PDE4B: variants seen among roughly 807,000 people sequenced by gnomAD.
PDE4B encodes phosphodiesterase 4B.
Under a neutral mutation model 82.2 loss-of-function variants are expected in PDE4B, and 20 were observed. The ratio of observed to expected loss-of-function variants is 0.24; its 90% confidence interval spans 0.17 to 0.35. PDE4B has a LOEUF of 0.35. PDE4B is among the 10% of genes least tolerant of loss of function. The pLI is 1.00. For missense variants in PDE4B, 655 were observed against 907.2 expected (o/e 0.72, Z 3.57); for synonymous variants, 320 against 318.9 (o/e 1.00, Z -0.04).
At chr1:66,189,554 A>G (rs1647546078) in intron 3 of PDE4B, among the ~76,000 whole-genome samples, 2 of 151,586 alleles carry the variant, frequency 1.3e-5, no homozygotes, top group Admixed American at 6.6e-5. Flanking sequence ...TTTTCTCTAT[A>G]CTTCTCTTCT....
chr1:66,170,256 T>C (rs1646813463), intron 3 of PDE4B, among the ~76,000 whole-genome samples: 1 of 152,224 alleles, frequency 6.6e-6, no homozygotes, highest in Non-Finnish European at 1.5e-5. Flanking sequence ...GATGGTGTTA[T>C]ATTTAAAAAC....
chr1:66,366,620 T>C (rs1402417870), intron 13 of PDE4B, among the ~76,000 whole-genome samples: 1 of 152,170 alleles, frequency 6.6e-6, no homozygotes, highest in East Asian at 1.9e-4. Flanking sequence ...AGGTTTGGAG[T>C]ACACTGGGTC....
intron 3 of PDE4B, among the ~76,000 whole-genome samples, chr1:66,037,219 A>G (rs1210055076): frequency 3.3e-5 from 5 of 152,064 alleles, no homozygotes; most frequent in African/African-American, 1.2e-4. Context: ...ACTGTAGGTC[A>G]CTTTGGGTAA....
chr1:66,197,713 A>T (rs1481472330), intron 3 of PDE4B, among the ~76,000 whole-genome samples: 1 of 152,140 alleles, frequency 6.6e-6, no homozygotes, highest in Non-Finnish European at 1.5e-5. Flanking sequence ...AAAGATGAAA[A>T]TAAATAAACT....
intron 3 of PDE4B, among the ~76,000 whole-genome samples, chr1:66,075,449 G>A (rs910551122): frequency 2.6e-5 from 4 of 152,026 alleles, no homozygotes; most frequent in African/African-American, 9.7e-5. Context: ...AGGTTTTATA[G>A]TTACTGGTTT....
chr1:66,258,256 A>G (rs1334801091), intron 6 of PDE4B, among the ~76,000 whole-genome samples: 3 of 152,228 alleles, frequency 2.0e-5, no homozygotes, highest in Non-Finnish European at 2.9e-5. Context: ...AATGTAGCAA[A>G]AAGTTCAAGT....
intron 1 of PDE4B, among the ~76,000 whole-genome samples, chr1:65,872,456 C>T (rs1211344091): frequency 1.3e-5 from 2 of 151,998 alleles, no homozygotes; most frequent in East Asian, 3.8e-4. Context: ...AGGAAGTAAT[C>T]AGATTACAGT....
chr1:65,993,258 T>G (rs1194475209), intron 3 of PDE4B: 9 of 730,254 alleles, frequency 1.2e-5, no homozygotes, highest in Non-Finnish European at 2.0e-5. Context: ...ATACTGCAAG[T>G]GTGAAATGAA....
chr1:66,223,975 G>T (rs1651218885), intron 3 of PDE4B, among the ~76,000 whole-genome samples: 1 of 151,980 alleles, frequency 6.6e-6, no homozygotes, highest in African/African-American at 2.4e-5. Flanking sequence ...CAATACCCTG[G>T]TCTTATAGTT....
At chr1:66,114,295 A>G (rs746437985) in intron 3 of PDE4B, among the ~76,000 whole-genome samples, 12 of 152,202 alleles carry the variant, frequency 7.9e-5, no homozygotes, top group South Asian at 2.1e-4. Context: ...AGATGATAGT[A>G]TTTTGTCATA....
chr1:66,122,537 G>C (rs1007507679), intron 3 of PDE4B, among the ~76,000 whole-genome samples: 8 of 151,942 alleles, frequency 5.3e-5, no homozygotes, highest in Admixed American at 5.3e-4. Flanking sequence ...TGATTAAGTG[G>C]GTTAATTTTA....
chr1:66,134,686 A>C (rs905142962), intron 3 of PDE4B, among the ~76,000 whole-genome samples: 1 of 152,226 alleles, frequency 6.6e-6, no homozygotes, highest in African/African-American at 2.4e-5. Context: ...TATCTAATGC[A>C]CGATTTTGTT....
At chr1:66,242,936 C>G (rs145900700) in intron 3 of PDE4B, among the ~76,000 whole-genome samples, 1 of 152,166 alleles carries the variant, frequency 6.6e-6, no homozygotes, top group Non-Finnish European at 1.5e-5. Context: ...ATAGAAACCA[C>G]CAGGAGAATA....
At chr1:66,340,418 C>G (rs1557711861) in intron 8 of PDE4B, among the ~76,000 whole-genome samples, 1 of 152,118 alleles carries the variant, frequency 6.6e-6, no homozygotes, top group Non-Finnish European at 1.5e-5. Context: ...AGCTATAAAT[C>G]TTGCCATTCT....
intron 3 of PDE4B, among the ~76,000 whole-genome samples, chr1:65,924,326 G>C (rs980458240): frequency 1.1e-4 from 17 of 150,494 alleles, no homozygotes; most frequent in African/African-American, 4.2e-4. Flanking sequence ...CGCCCGCCTC[G>C]GCCTCCCAAA....
At chr1:66,115,756 G>T (rs186898974) in intron 3 of PDE4B, among the ~76,000 whole-genome samples, 1 of 152,308 alleles carries the variant, frequency 6.6e-6, no homozygotes, top group Non-Finnish European at 1.5e-5. Context: ...GGTATATTTT[G>T]CTGAAGATGT....
intron 3 of PDE4B, among the ~76,000 whole-genome samples, chr1:66,047,609 G>C (rs1296371109): frequency 6.6e-6 from 1 of 151,400 alleles, no homozygotes; most frequent in Non-Finnish European, 1.5e-5. Context: ...AAATATTTTA[G>C]AGGTGGCAGA....
At chr1:66,140,738 G>C (rs773388264) in intron 3 of PDE4B, among the ~76,000 whole-genome samples, 2 of 152,206 alleles carry the variant, frequency 1.3e-5, no homozygotes, top group Non-Finnish European at 2.9e-5. Flanking sequence ...AATGTGATAT[G>C]TGTGCCTATT....
intron 3 of PDE4B, among the ~76,000 whole-genome samples, chr1:66,217,243 G>A (rs201758328): frequency 6.6e-6 from 1 of 151,844 alleles, no homozygotes; most frequent in Non-Finnish European, 1.5e-5. Flanking sequence ...TCATTGGCTA[G>A]GCAAGAAAAA....
Sources: allele counts gnomAD v4.1 joint callset (sites outside exome capture counted in the v4.1 genomes callset), GRCh38; gene constraint gnomAD v4.1.1; transcripts MANE v1.5; gene names NCBI Gene and HGNC (gene_info 2026-07-23, HGNC 2026-07-21).